C4orf36: variants seen among roughly 807,000 people sequenced by gnomAD.
C4orf36 encodes the protein chromosome 4 open reading frame 36.
Under a neutral mutation model 12.2 loss-of-function variants are expected in C4orf36, and 11 were observed. The ratio of observed to expected loss-of-function variants is 0.90; its 90% CI spans 0.57 to 1.49. C4orf36 has a LOEUF of 1.49. Ranked by LOEUF, C4orf36 falls within the 40% of genes most tolerant of loss-of-function variation. C4orf36 has a pLI of 0.00. For synonymous variants in C4orf36, 54 were observed against 51.3 expected (o/e 1.05, Z -0.22); for missense variants, 137 against 133.9 (o/e 1.02, Z -0.11).
chr4:86,899,602 T>C, the C4orf36 span, among the ~76,000 whole-genome samples: 23 of 152,160 alleles, frequency 1.5e-4, no homozygotes, highest in Admixed American at 3.3e-4. Flanking sequence ...GGTGGACAGA[T>C]TGCTGAAGTC....
intron 4 of C4orf36, among the ~76,000 whole-genome samples, chr4:86,878,412 T>C (rs572003052): frequency 3.9e-5 from 6 of 152,332 alleles, no homozygotes; most frequent in African/African-American, 1.4e-4. Context: ...TGCAGAGTGA[T>C]ATCAGTAAGG....
At chr4:86,907,647 C>T in the C4orf36 span, among the ~76,000 whole-genome samples, 1 of 152,134 alleles carries the variant, frequency 6.6e-6, no homozygotes, top group Non-Finnish European at 1.5e-5. Flanking sequence ...AGACAGGGCA[C>T]TGTTTAAGGA....
the C4orf36 span, among the ~76,000 whole-genome samples, chr4:86,908,862 G>A: frequency 6.6e-6 from 1 of 152,100 alleles, no homozygotes; most frequent in Admixed American, 6.6e-5. Flanking sequence ...GGCACAGGTG[G>A]GCAAGTTCCA....
intron 4 of C4orf36, among the ~76,000 whole-genome samples, chr4:86,878,110 T>C (rs566901157): frequency 1.3e-5 from 2 of 151,962 alleles, no homozygotes; most frequent in Admixed American, 1.3e-4. Context: ...TATTATCAGA[T>C]TCTCTAAAAA....
At chr4:86,899,254 A>C in the C4orf36 span, among the ~76,000 whole-genome samples, 1 of 152,184 alleles carries the variant, frequency 6.6e-6, no homozygotes, top group Non-Finnish European at 1.5e-5. Context: ...GTCAAAGGAC[A>C]CCCCTGCAGT....
At chr4:86,934,630 T>C in the C4orf36 span, 1 of 152,188 alleles carries the variant, frequency 6.6e-6, no homozygotes, top group Non-Finnish European at 1.5e-5. Flanking sequence ...ATTATCTCCT[T>C]TAAAGGGCAC....
chr4:86,903,547 G>C, the C4orf36 span, among the ~76,000 whole-genome samples: 5 of 152,228 alleles, frequency 3.3e-5, no homozygotes, highest in Non-Finnish European at 1.5e-5. Context: ...TGAAGCTGCA[G>C]ACCTTCATGG....
the C4orf36 span, among the ~76,000 whole-genome samples, chr4:86,920,302 CTCT>C: frequency 2.6e-5 from 4 of 152,152 alleles, no homozygotes; most frequent in African/African-American, 9.7e-5. Flanking sequence ...CCCTGCAGCT[CTCT>C]TCTTCTTCTG....
At chr4:86,898,758 A>G in the C4orf36 span, among the ~76,000 whole-genome samples, 2 of 152,118 alleles carry the variant, frequency 1.3e-5, no homozygotes, top group Admixed American at 1.3e-4. Flanking sequence ...GTGGTGCTCT[A>G]TGATCGCACC....
chr4:86,885,731 C>G (rs1747162243), intron 4 of C4orf36, among the ~76,000 whole-genome samples: 2 of 152,248 alleles, frequency 1.3e-5, no homozygotes, highest in African/African-American at 2.4e-5. Flanking sequence ...ACTTCCAACA[C>G]TATGTTGAAT....
At chr4:86,879,454 G>A (rs1024318537) in intron 4 of C4orf36, among the ~76,000 whole-genome samples, 18 of 152,158 alleles carry the variant, frequency 1.2e-4, no homozygotes, top group African/African-American at 3.9e-4. Flanking sequence ...AAGAGTCAGT[G>A]AATTTGAAGT....
the C4orf36 span, among the ~76,000 whole-genome samples, chr4:86,930,956 G>T: frequency 0.65 from 98,103 of 152,012 alleles, 32,834 homozygotes; most frequent in South Asian, 0.8. Flanking sequence ...TTCTCTATCT[G>T]CCCACAATCT....
At chr4:86,931,938 G>A in the C4orf36 span, among the ~76,000 whole-genome samples, 3 of 151,866 alleles carry the variant, frequency 2.0e-5, no homozygotes, top group Admixed American at 2.0e-4. Flanking sequence ...AGGAGGCTGA[G>A]GCAGGAGAAT....
At chr4:86,934,065 G>C in the C4orf36 span, among the ~76,000 whole-genome samples, 1 of 152,160 alleles carries the variant, frequency 6.6e-6, no homozygotes, top group African/African-American at 2.4e-5. Flanking sequence ...AGGCAGAGAA[G>C]GCAGGGAGGG....
the C4orf36 span, among the ~76,000 whole-genome samples, chr4:86,922,949 CTT>C: frequency 2.2e-4 from 30 of 139,488 alleles, no homozygotes; most frequent in Admixed American, 2.9e-4. Flanking sequence ...CTTCTTCTTC[CTT>C]TTTTTTTTTT....
the C4orf36 span, chr4:86,913,897 C>T: frequency 6.0e-5 from 66 of 1,104,230 alleles, 1 homozygote; most frequent in South Asian, 6.3e-4. Context: ...GGCACGATCT[C>T]GGCTCACTAC....
At chr4:86,902,719 C>G in the C4orf36 span, among the ~76,000 whole-genome samples, 1 of 152,302 alleles carries the variant, frequency 6.6e-6, no homozygotes, top group Admixed American at 6.5e-5. Flanking sequence ...CTTTTCAAAA[C>G]TGCTGCTTCT....
upstream of C4orf36, among the ~76,000 whole-genome samples, chr4:86,896,152 C>T (rs191712634): frequency 2.0e-5 from 3 of 152,280 alleles, no homozygotes; most frequent in Admixed American, 2.0e-4. Context: ...ACCTCAACCA[C>T]GAATAACTTT....
At chr4:86,887,634 G>A in intron 4 of C4orf36, 124 bp downstream of exon 4, 2 of 1,133,250 alleles carry the variant, frequency 1.8e-6, no homozygotes, top group Non-Finnish European at 2.5e-6. Context: ...CACAGCTGTG[G>A]GCAGTGGCCC....
Sources: gnomAD v4.1 joint callset for allele counts (sites outside exome capture counted in the v4.1 genomes callset) on GRCh38, gnomAD v4.1.1 for gene constraint, MANE v1.5 for transcripts, NCBI Gene and HGNC (gene_info 2026-07-23, HGNC 2026-07-21) for gene names.